Variants in PTPN9 observed in about 807,000 individuals in gnomAD.
PTPN9 encodes the protein protein tyrosine phosphatase non-receptor type 9.
A neutral mutation model predicts 69.8 loss-of-function variants in PTPN9; 26 were observed. The observed-to-expected ratio is 0.37, with a 90% CI of 0.27 to 0.52. The LOEUF is 0.52. PTPN9 is among the 20% of genes least tolerant of loss of function. PTPN9 has a pLI of 0.91. For synonymous variants in PTPN9, 274 were observed against 272.5 expected (o/e 1.01, Z -0.05); for missense variants, 549 against 740.3 (o/e 0.74, Z 3.00).
rs1555454772 is a variant in PTPN9, at chr15:75,505,712, G to GA, written c.930dup (p.Arg311SerfsTer3). 1 of 1,613,886 alleles carries GA rather than the reference G, an allele frequency of 6.2e-7. No individual in the cohort carries two copies. Among genetic ancestry groups the GA allele is most frequent in the Non-Finnish European group, 8.5e-7 (1 of 1,179,948 alleles). Reference sequence around the variant, plus strand: ...AAAGTGCCAACAGGGTTCTCACGACGAATGTCTTCATATTCCTCATAGATT... The same window carrying GA: ...AAAGTGCCAACAGGGTTCTCACGACGAAATGTCTTCATATTCCTCATAGATT... On this transcript the variant is annotated frameshift_variant, in exon 7 of 13. Transcript: ENST00000618819. LOFTEE classifies it high-confidence loss of function.
At chr15:75,470,935 T>C (rs2074560789) in intron 10 of PTPN9, 105 bp from the exon 11 acceptor site, 4 of 1,339,190 alleles carry the variant, frequency 3.0e-6, no homozygotes, top group Non-Finnish European at 1.0e-6. Flanking sequence ...TATCATCTCT[T>C]GCATTGCTTC....
At chr15:75,532,066 G>A (rs187343909) in intron 1 of PTPN9, among the ~76,000 whole-genome samples, 1 of 152,212 alleles carries the variant, frequency 6.6e-6, no homozygotes, top group Non-Finnish European at 1.5e-5. Context: ...TGACCAAGAG[G>A]TGATATGAAC....
At chr15:75,476,132 C>G (rs1447409483) in intron 9 of PTPN9, among the ~76,000 whole-genome samples, 1 of 151,968 alleles carries the variant, frequency 6.6e-6, no homozygotes, top group Admixed American at 6.6e-5. Flanking sequence ...GTCACCCAGC[C>G]TAGGTGACAG....
rs188571030 is a variant in PTPN9, at chr15:75,494,504, C to T, written c.969-4203G>A. 7.0e-3 allele frequency among the ~76,000 whole-genome samples: 1,053 copies of T among 151,004 alleles called. 5 individuals carry two copies. The highest frequency in any genetic ancestry group is 0.014 in the Middle Eastern group (4 of 290). On this transcript the variant is annotated intron_variant, in intron 7 of 12. Transcript: ENST00000618819. ...AGTAGCTGGGATTACAGGAGCCTGC[C>T]ACCATACCTGGCTAATTTTTATATT... is the stretch of plus-strand genomic sequence containing the variant.
chr15:75,481,790 A>G (rs2074636311), intron 8 of PTPN9, among the ~76,000 whole-genome samples: 1 of 107,154 alleles, frequency 9.3e-6, no homozygotes. Context: ...GGAAGTGAGG[A>G]GCCCCTCTGC....
intron 1 of PTPN9, among the ~76,000 whole-genome samples, chr15:75,545,396 C>A (rs780144779): frequency 2.6e-5 from 4 of 151,802 alleles, no homozygotes; most frequent in Non-Finnish European, 5.9e-5. Flanking sequence ...AGTGAGACCC[C>A]CCCATCTCTA....
At chr15:75,559,768 C>CAAA (rs5813803) in intron 1 of PTPN9, among the ~76,000 whole-genome samples, 2,469 of 94,520 alleles carry the variant, frequency 0.026, 71 homozygotes, top group East Asian at 0.12. Context: ...GAATGGTCAA[C>CAAA]AAAAAAAAAA....
rs1163746256 is a variant in PTPN9, at chr15:75,485,616, C to T, written c.1062+4592G>A. On this transcript the variant is annotated intron_variant, in intron 8 of 12. Transcript: ENST00000618819. ...TGATCTCCTGACCTCATGATCCACC[C>T]GCCTCGGCCTCCCAAAGTGCTGGGA... Among the ~76,000 whole-genome samples, 4 of 148,386 alleles carry T rather than the reference C, an allele frequency of 2.7e-5. 1 individual carries two copies. The highest frequency in any genetic ancestry group is 1.3e-4 in the Admixed American group (2 of 14,962).
At chr15:75,496,449 T>A (rs2074742237) in intron 7 of PTPN9, among the ~76,000 whole-genome samples, 1 of 151,438 alleles carries the variant, frequency 6.6e-6, no homozygotes, top group African/African-American at 2.4e-5. Context: ...AGACATAGTA[T>A]AAGAGCTAAA....
At chr15:75,490,031 T>C (rs2074700006) in intron 8 of PTPN9, among the ~76,000 whole-genome samples, 177 bp downstream of exon 8, 1 of 152,224 alleles carries the variant, frequency 6.6e-6, no homozygotes, top group African/African-American at 2.4e-5. Context: ...TACTGTGAGA[T>C]GGGCATTTGA....
rs1001242181 is a variant in PTPN9, at chr15:75,526,002, C to CT, written c.207+1115dup. Among the ~76,000 whole-genome samples, 650 of 142,594 alleles carry CT rather than the reference C, an allele frequency of 4.6e-3. 4 individuals are homozygous for CT. The highest frequency in any genetic ancestry group is 0.011 in the African/African-American group (425 of 39,238). The allele number at this position is 142,594 out of a possible 152,430, so 93.5% of individuals were successfully genotyped here. ...ACAACTCTTTGTTTATTTTCTCTTT[C>CT]TTTTTTTTTTTTTTAAACAGTCTCA... On this transcript the variant is annotated intron_variant, in intron 2 of 12. Transcript: ENST00000618819.
In PTPN9 at chr15:75,509,057, G is replaced by T. The variant is rs187311794; in HGVS notation, c.529-30C>A. ...GGAGAAAACACATGAGGATTTAAGT[G>T]TAATGGAACCTGTGACTCTTCAAGC... On this transcript the variant is annotated intron_variant, in intron 5 of 12. Coordinates refer to ENST00000618819, the MANE Select transcript of PTPN9 (RefSeq NM_002833.4). 13 of 1,570,994 alleles carry T rather than the reference G, an allele frequency of 8.3e-6. No homozygotes were observed. In the Admixed American group the frequency reaches 2.2e-4, roughly 26 times the overall value.
intron 6 of PTPN9, among the ~76,000 whole-genome samples, chr15:75,507,302 T>C (rs1289521999): frequency 6.6e-6 from 1 of 151,678 alleles, no homozygotes; most frequent in East Asian, 1.9e-4. Context: ...AAGAATTAGC[T>C]GGGCATGTTG....
chr15:75,501,299 G>A (rs999776364), intron 7 of PTPN9, among the ~76,000 whole-genome samples: 1 of 152,166 alleles, frequency 6.6e-6, no homozygotes, highest in African/African-American at 2.4e-5. Context: ...TCAGAGTCCA[G>A]TAGTCACATA....
At chr15:75,473,286 G>A (rs2074578481) in intron 10 of PTPN9, among the ~76,000 whole-genome samples, 1 of 151,648 alleles carries the variant, frequency 6.6e-6, no homozygotes, top group South Asian at 2.1e-4. Flanking sequence ...GTCTCGCTCT[G>A]TAGCCCAGGC....
intron 1 of PTPN9, among the ~76,000 whole-genome samples, chr15:75,539,679 T>G: frequency 6.6e-6 from 1 of 151,950 alleles, no homozygotes; most frequent in Middle Eastern, 3.4e-3. Context: ...ACTTTTTTAT[T>G]GTTGTTTTTT....
chr15:75,507,303 G>A (rs1215514958), intron 6 of PTPN9, among the ~76,000 whole-genome samples: 1 of 151,856 alleles, frequency 6.6e-6, no homozygotes, highest in East Asian at 1.9e-4. Context: ...AGAATTAGCT[G>A]GGCATGTTGG....
At chr15:75,517,654 CT>C (rs2074877757) in intron 4 of PTPN9, among the ~76,000 whole-genome samples, 1 of 152,212 alleles carries the variant, frequency 6.6e-6, no homozygotes, top group Admixed American at 6.6e-5. Context: ...CTGAATCTAC[CT>C]ACCCAAATCA....
Position 75,565,043 on chromosome 15 carries a change from G to A in PTPN9, c.63+13671C>T, listed in dbSNP as rs1237514783. Among the ~76,000 whole-genome samples, 6 of 150,992 alleles carry A rather than the reference G, an allele frequency of 4.0e-5. No homozygotes were observed. In the East Asian group the frequency reaches 1.2e-3, roughly 29 times the overall value. ...TTGAACCCGGGAGGCAGAGGTTGCA[G>A]TGAGCCGAGATTCTACCACTGCACT... On this transcript the variant is annotated intron_variant, in intron 1 of 12. Coordinates refer to ENST00000618819, the MANE Select transcript of PTPN9 (RefSeq NM_002833.4).
Sources: gnomAD v4.1 joint callset for allele counts (sites outside exome capture counted in the v4.1 genomes callset) on GRCh38, gnomAD v4.1.1 for gene constraint, MANE v1.5 for transcripts, NCBI Gene and HGNC (gene_info 2026-07-23, HGNC 2026-07-21) for gene names.